KIF16B: variants seen among roughly 807,000 people sequenced by gnomAD.
KIF16B encodes the protein kinesin-like protein KIF16B.
Under a neutral mutation model 156.3 loss-of-function variants are expected in KIF16B, and 98 were observed. The observed-to-expected ratio is 0.63, with a 90% CI of 0.53 to 0.74. The LOEUF is 0.74. Ranked by LOEUF, KIF16B falls within the 30% of genes least tolerant of loss-of-function variation. KIF16B has a pLI of 0.00. For synonymous variants in KIF16B, 564 were observed against 583.7 expected, an observed-to-expected ratio of 0.97 and a Z score of 0.49; for missense variants, 1,421 against 1,606.5, an observed-to-expected ratio of 0.88 and a Z score of 1.97.
chr20:16,366,273 C>T (rs1195234212), intron 22 of KIF16B, among the ~76,000 whole-genome samples: 1 of 152,048 alleles, frequency 6.6e-6, no homozygotes, highest in Non-Finnish European at 1.5e-5. Flanking sequence ...AGTAGGAGAC[C>T]TCAATCAAAG....
At chr20:16,394,911 C>A (rs537883706) in intron 17 of KIF16B, among the ~76,000 whole-genome samples, 2 of 151,994 alleles carry the variant, frequency 1.3e-5, no homozygotes, top group East Asian at 3.9e-4. Context: ...TTTCTGAAGC[C>A]CTTTCTACAT....
rs187756449 is a variant in KIF16B, at chr20:16,369,992, C to T, written c.3498+594G>A. Among the ~76,000 whole-genome samples, 71 of 152,298 alleles carry T rather than the reference C, an allele frequency of 4.7e-4. No individual in the cohort carries two copies. The East Asian group carries it at 0.013, about 29-fold the overall frequency. On this transcript the variant is annotated intron_variant, in intron 22 of 25. Transcript: ENST00000354981. ...AGTCAGCTCAGCCTCTGTGAACATCCACCTCTTGCTGTCTGTTCAGTAATG... is the reference window on the plus strand; with the variant it reads ...AGTCAGCTCAGCCTCTGTGAACATCTACCTCTTGCTGTCTGTTCAGTAATG...
chr20:16,438,601 G>T (rs1375929557), intron 12 of KIF16B, among the ~76,000 whole-genome samples: 2 of 152,086 alleles, frequency 1.3e-5, no homozygotes, highest in Non-Finnish European at 2.9e-5. Context: ...GAAGAATCAT[G>T]TCCATCTAAC....
At chr20:16,309,989 A>G (rs776293222) in intron 25 of KIF16B, among the ~76,000 whole-genome samples, 1 of 152,212 alleles carries the variant, frequency 6.6e-6, no homozygotes, top group Non-Finnish European at 1.5e-5. Flanking sequence ...GTTCAGGGAA[A>G]ATAACTAAGT....
At chr20:16,352,971 G>A (rs1421000884) in intron 23 of KIF16B, among the ~76,000 whole-genome samples, 3 of 152,196 alleles carry the variant, frequency 2.0e-5, no homozygotes, top group East Asian at 1.9e-4. Flanking sequence ...AGGGCACAGC[G>A]TCTCACTGTG....
At chr20:16,328,613 C>A (rs1334214766) in intron 24 of KIF16B, among the ~76,000 whole-genome samples, 3 of 152,176 alleles carry the variant, frequency 2.0e-5, no homozygotes, top group Non-Finnish European at 4.4e-5. Flanking sequence ...GTGAGATTTA[C>A]GTCCTTGAAA....
chr20:16,466,444 G>A (rs2067492817), intron 12 of KIF16B, among the ~76,000 whole-genome samples: 1 of 152,218 alleles, frequency 6.6e-6, no homozygotes, highest in Admixed American at 6.5e-5. Context: ...TCGTGGGAGG[G>A]ACCCAGTGGG....
At chr20:16,501,464 A>G (rs896127902) in intron 10 of KIF16B, among the ~76,000 whole-genome samples, 3 of 151,768 alleles carry the variant, frequency 2.0e-5, no homozygotes, top group Non-Finnish European at 2.9e-5. Context: ...AAAACTGAAC[A>G]TATGTACTCC....
intron 1 of KIF16B, among the ~76,000 whole-genome samples, chr20:16,546,566 G>A (rs961412196): frequency 1.3e-5 from 2 of 152,076 alleles, no homozygotes; most frequent in African/African-American, 4.8e-5. Context: ...CCCAAAATAG[G>A]TGCAAGTGGA....
chr20:16,390,448 G>C (rs560130206), intron 17 of KIF16B, among the ~76,000 whole-genome samples: 1 of 152,262 alleles, frequency 6.6e-6, no homozygotes, highest in African/African-American at 2.4e-5. Context: ...TGACTGGATA[G>C]ACACTTGAAA....
intron 23 of KIF16B, among the ~76,000 whole-genome samples, chr20:16,338,563 T>C (rs1316673388): frequency 1.3e-5 from 2 of 152,140 alleles, no homozygotes; most frequent in African/African-American, 4.8e-5. Context: ...TCTTCCTCAC[T>C]CAACTTGAAA....
intron 19 of KIF16B, among the ~76,000 whole-genome samples, chr20:16,375,495 A>C (rs1254074077): frequency 6.6e-6 from 1 of 152,094 alleles, no homozygotes; most frequent in Non-Finnish European, 1.5e-5. Context: ...TGGGACCCAC[A>C]CGAGGCTGTG....
At chr20:16,420,987 G>A (rs1255063680) in intron 15 of KIF16B, among the ~76,000 whole-genome samples, 1 of 152,066 alleles carries the variant, frequency 6.6e-6, no homozygotes, top group Non-Finnish European at 1.5e-5. Flanking sequence ...GCATGAATTC[G>A]AGCACGAATG....
intron 1 of KIF16B, among the ~76,000 whole-genome samples, chr20:16,537,143 A>G (rs2070001159): frequency 1.3e-5 from 2 of 152,104 alleles, no homozygotes; most frequent in Non-Finnish European, 2.9e-5. Context: ...TCTCACCACG[A>G]GGCTCCCCTG....
intron 12 of KIF16B, among the ~76,000 whole-genome samples, chr20:16,477,188 G>T (rs67928141): frequency 0.38 from 53,143 of 140,184 alleles, 11,583 homozygotes; most frequent in African/African-American, 0.6. Context: ...TTCCTTGTGG[G>T]TTTTTTTTTT....
At chr20:16,448,198 T>C (rs574613911) in intron 12 of KIF16B, among the ~76,000 whole-genome samples, 9 of 152,256 alleles carry the variant, frequency 5.9e-5, no homozygotes, top group South Asian at 4.1e-4. Context: ...GAACAGGCCA[T>C]TGCACACTGT....
chr20:16,563,148 A>G (rs1489371518), intron 1 of KIF16B, among the ~76,000 whole-genome samples: 1 of 152,232 alleles, frequency 6.6e-6, no homozygotes, highest in African/African-American at 2.4e-5. Flanking sequence ...TGAAAAATGA[A>G]TACATTTGGA....
chr20:16,443,498 T>C (rs759115103), intron 12 of KIF16B, among the ~76,000 whole-genome samples: 18 of 152,196 alleles, frequency 1.2e-4, no homozygotes, highest in Non-Finnish European at 2.5e-4. Context: ...ATTTATATCG[T>C]AACAGAACAC....
intron 25 of KIF16B, among the ~76,000 whole-genome samples, chr20:16,306,080 T>C (rs1288055228): frequency 2.6e-5 from 4 of 152,178 alleles, no homozygotes; most frequent in Non-Finnish European, 5.9e-5. Flanking sequence ...TTCCCCAAAT[T>C]ACCTAATACA....
Sources: allele counts gnomAD v4.1 joint callset (sites outside exome capture counted in the v4.1 genomes callset), GRCh38; gene constraint gnomAD v4.1.1; transcripts MANE v1.5; gene names NCBI Gene and HGNC (gene_info 2026-07-23, HGNC 2026-07-21).